Variants in RPTOR observed in about 807,000 individuals in gnomAD.
The protein encoded by RPTOR is regulatory-associated protein of mTOR.
In RPTOR, 21 loss-of-function variants were observed where a neutral mutation model predicts 169.9. That is an observed-to-expected ratio of 0.12 (90% CI 0.09 to 0.18). The LOEUF (loss-of-function observed/expected upper bound fraction) is 0.18. RPTOR is among the 10% of genes least tolerant of loss of function. RPTOR has a pLI of 1.00. For synonymous variants in RPTOR, 732 were observed against 753.2 expected, an observed-to-expected ratio of 0.97 and a Z score of 0.46; for missense variants, 1,133 against 1,855.9, an observed-to-expected ratio of 0.61 and a Z score of 7.16.
chr17:80,962,474 G>A lies in RPTOR; in HGVS notation c.3706G>A (p.Val1236Met). Reference protein sequence around the residue: ...HIVSVSVNGDVRIFDPRMPES... With the variant: ...HIVSVSVNGDMRIFDPRMPES... ...CTCTCTTGGCAGCGTCAATGGAGAT[G>A]TGCGCATCTTTGATCCCCGGATGCC... The change falls in exon 32 of 34, where the codon GTG (valine) becomes ATG (methionine). Residue 1236 changes from valine to methionine, a missense_variant. Around this residue, in one of 9 missense-constraint regions of RPTOR, gnomAD observed 410 missense variants for 623.7 expected, o/e 0.66. Transcript: ENST00000306801. The A allele has an allele frequency of 2.5e-6, 4 of 1,613,872 alleles. No homozygotes were observed. The highest frequency in any genetic ancestry group is 3.4e-6 in the Non-Finnish European group (4 of 1,179,884).
At position 80,708,814 on chromosome 17, in the gene RPTOR, G is replaced by A. The variant is rs1309403512; in HGVS notation, c.507+815G>A. 7.1e-6 allele frequency: 3 copies of A among 425,392 alleles called. No individual in the cohort carries two copies. Among genetic ancestry groups the A allele is most frequent in the South Asian group, 9.9e-5 (1 of 10,102 alleles). The allele number at this position is 425,392 out of a possible 1,614,324, so 26.4% of individuals were successfully genotyped here. A position where few individuals can be genotyped will look rare whatever the true frequency, so the allele number is the denominator to read the frequency against. On this transcript the variant is annotated intron_variant, in intron 4 of 33. Coordinates refer to ENST00000306801, the MANE Select transcript of RPTOR (RefSeq NM_020761.3). The surrounding 1 kb of genome is among the most constrained non-coding windows in gnomAD (Gnocchi z 4.2). ...CTTGGAGGGTGCGGTGGCCCCATATGTGCCTGAGCGTGTCTATGAGGGCAC... is the reference window on the plus strand; with the variant it reads ...CTTGGAGGGTGCGGTGGCCCCATATATGCCTGAGCGTGTCTATGAGGGCAC...
intron 3 of RPTOR, among the ~76,000 whole-genome samples, chr17:80,672,509 C>T (rs1287008035): frequency 1.3e-5 from 2 of 152,002 alleles, no homozygotes; most frequent in African/African-American, 4.8e-5. Flanking sequence ...ACTTCTCAGC[C>T]AGGCGCGGTG....
At chr17:80,859,007 G>T (rs2067887596) in intron 13 of RPTOR, among the ~76,000 whole-genome samples, 1 of 152,154 alleles carries the variant, frequency 6.6e-6, no homozygotes, top group Non-Finnish European at 1.5e-5. Flanking sequence ...TTTCCTCCAG[G>T]AGGGTGGGCA....
chr17:80,801,201 T>C (rs528247123), intron 7 of RPTOR, among the ~76,000 whole-genome samples: 2 of 152,316 alleles, frequency 1.3e-5, no homozygotes, highest in South Asian at 2.1e-4. Context: ...TCCTGGGGAA[T>C]GATAGTGACC....
chr17:80,827,589 A>G (rs1310700342), intron 9 of RPTOR, among the ~76,000 whole-genome samples: 1 of 151,858 alleles, frequency 6.6e-6, no homozygotes, highest in Non-Finnish European at 1.5e-5. Context: ...TCCCACCTGC[A>G]CCCCCAGGGA....
rs2065255569 is a variant in RPTOR, at chr17:80,609,636, T to A, written c.163-16055T>A. On this transcript the variant is annotated intron_variant, in intron 1 of 33. Transcript: ENST00000306801. The surrounding 1 kb of genome is among the most constrained non-coding windows in gnomAD (Gnocchi z 4.8). Reference sequence around the variant, plus strand: ...GGCGCACGCCTGTAATTCCGGCTACTCAGGAGGCTGAGGCATGAGAATCGC... The same window carrying A: ...GGCGCACGCCTGTAATTCCGGCTACACAGGAGGCTGAGGCATGAGAATCGC... 6.6e-6 allele frequency among the ~76,000 whole-genome samples: 1 copy of A among 152,036 alleles called. No homozygotes were observed. The highest frequency in any genetic ancestry group is 1.5e-5 in the Non-Finnish European group (1 of 67,996).
rs979838056 is a variant in RPTOR at position 80,820,298 on chromosome 17, A to G, written c.891-1903A>G. 8.6e-5 allele frequency among the ~76,000 whole-genome samples: 13 copies of G among 151,966 alleles called. No individual in the cohort carries two copies. The highest frequency in any genetic ancestry group is 1.3e-4 in the Non-Finnish European group (9 of 67,990). On this transcript the variant is annotated intron_variant, in intron 7 of 33. Transcript: ENST00000306801. The surrounding 1 kb of genome is among the most constrained non-coding windows in gnomAD (Gnocchi z 4.1). Reference sequence around the variant, plus strand: ...GACGATCTTGTCAGTCATTTCATTAAAACGGTTTTCAGCATATGTGTTTCT... The same window carrying G: ...GACGATCTTGTCAGTCATTTCATTAGAACGGTTTTCAGCATATGTGTTTCT...
chr17:80,912,667 T>TGTGTGTGTGACA (rs2068626429), intron 21 of RPTOR, among the ~76,000 whole-genome samples: 1 of 152,116 alleles, frequency 6.6e-6, no homozygotes, highest in South Asian at 2.1e-4. Context: ...CCCTTTTGGA[T>TGTGTGTGTGACA]TGTGTGTGAC....
intron 3 of RPTOR, among the ~76,000 whole-genome samples, chr17:80,702,628 C>T (rs367668346): frequency 1.3e-5 from 2 of 152,140 alleles, no homozygotes; most frequent in East Asian, 1.9e-4. Context: ...ATATCTGTGG[C>T]GCCTTTCATG....
At chr17:80,907,957 C>T (rs1437693058) in intron 20 of RPTOR, among the ~76,000 whole-genome samples, 1 of 152,196 alleles carries the variant, frequency 6.6e-6, no homozygotes, top group Non-Finnish European at 1.5e-5. Context: ...CGCACGCTGT[C>T]GTGGACGTAG....
chr17:80,764,729 A>G (rs1337173026), intron 6 of RPTOR, among the ~76,000 whole-genome samples: 1 of 152,120 alleles, frequency 6.6e-6, no homozygotes, highest in Admixed American at 6.5e-5. Context: ...TCCCTGAGGA[A>G]TCGCCACACT....
intron 23 of RPTOR, chr17:80,924,148 CTT>C (rs2068783770): frequency 6.1e-6 from 1 of 162,632 alleles, no homozygotes; most frequent in Non-Finnish European, 1.3e-5. Context: ...GGTACACTCT[CTT>C]TGCCTTTAAC....
At chr17:80,870,811 A>C (rs1195336327) in intron 13 of RPTOR, among the ~76,000 whole-genome samples, 1 of 152,254 alleles carries the variant, frequency 6.6e-6, no homozygotes, top group Non-Finnish European at 1.5e-5. Flanking sequence ...TAGAGTTCTC[A>C]TGTACCCTAC....
Position 80,964,725 on chromosome 17 carries a change from G to A in RPTOR, c.*395G>A, listed in dbSNP as rs764636930. On this transcript the variant is annotated 3_prime_UTR_variant, in exon 34 of 34. Transcript: ENST00000306801. ...ACAGAGCCCTGGCGGAGAGGCAGGC[G>A]CTGGGGCTCCTACGGGTCCCTGGGG... The A allele has an allele frequency of 3.6e-3, 1,013 of 284,036 alleles. 10 individuals carry two copies. The highest frequency in any genetic ancestry group is 6.1e-3 in the Middle Eastern group (6 of 984). 17.6% of individuals were successfully genotyped at this position (284,036 alleles called of 1,614,324 possible). A position where few individuals can be genotyped will look rare whatever the true frequency, so the allele number is the denominator to read the frequency against.
In RPTOR at chr17:80,947,713, G is replaced by A. The variant is rs954927886; in HGVS notation, c.3265+362G>A. Among the ~76,000 whole-genome samples, 5 of 152,072 alleles carry A rather than the reference G, an allele frequency of 3.3e-5. No individual in the cohort carries two copies. Among genetic ancestry groups the A allele is most frequent in the Admixed American group, 6.6e-5 (1 of 15,262 alleles). ...GGAAGGATGCCCCAAGCCACAACAC[G>A]TGCCAGGTCCTCCCCGGCCAGGGTC... is the stretch of plus-strand genomic sequence containing the variant. On this transcript the variant is annotated intron_variant, in intron 27 of 33. Transcript: ENST00000306801. This position sits in a 1 kb window ranked among gnomAD's most constrained non-coding sequence, Gnocchi z 4.4.
At chr17:80,697,556 C>T (rs754197677) in intron 3 of RPTOR, among the ~76,000 whole-genome samples, 1 of 152,066 alleles carries the variant, frequency 6.6e-6, no homozygotes, top group African/African-American at 2.4e-5. Context: ...AGGAGGGCGG[C>T]GTGATAGGTG....
At chr17:80,668,688 T>C (rs2143673829) in intron 3 of RPTOR, among the ~76,000 whole-genome samples, 1 of 152,366 alleles carries the variant, frequency 6.6e-6, no homozygotes, top group South Asian at 2.1e-4. Context: ...TCCTCTTTTC[T>C]GTCCAGCTAC....
intron 6 of RPTOR, among the ~76,000 whole-genome samples, chr17:80,782,061 T>C (rs985003965): frequency 6.6e-6 from 1 of 152,232 alleles, no homozygotes; most frequent in African/African-American, 2.4e-5. Context: ...CCCTGGAGCC[T>C]ACAGCAGCAC....
chr17:80,774,154 G>A, intron 6 of RPTOR: 9 of 985,400 alleles, frequency 9.1e-6, no homozygotes, highest in Non-Finnish European at 9.6e-6. Flanking sequence ...GTGACATCCT[G>A]AGAAAGCGGG....
Sources: allele counts gnomAD v4.1 joint callset (sites outside exome capture counted in the v4.1 genomes callset), GRCh38; gene constraint gnomAD v4.1.1; regional missense constraint gnomAD v4.1.1; non-coding constraint Gnocchi (gnomAD v3.1); transcripts MANE v1.5; gene names NCBI Gene and HGNC (gene_info 2026-07-23, HGNC 2026-07-21).